Variants in MAP4K3 observed in about 807,000 individuals in gnomAD.
MAP4K3 encodes the protein MAPK/ERK kinase kinase kinase 3.
A neutral mutation model predicts 143.5 loss-of-function variants in MAP4K3; 94 were observed. The ratio of observed to expected loss-of-function variants is 0.65; its 90% CI spans 0.55 to 0.78. The LOEUF (loss-of-function observed/expected upper bound fraction) is 0.78, where lower values mean the gene tolerates loss of function less well. MAP4K3 is among the 30% of genes least tolerant of loss of function. MAP4K3 has a pLI of 0.00. For missense variants in MAP4K3, 1,077 were observed against 1,068.1 expected (o/e 1.01, Z -0.12); for synonymous variants, 416 against 347.2 (o/e 1.20, Z -2.20).
At chr2:39,340,936 G>C (rs559580049) in intron 4 of MAP4K3, among the ~76,000 whole-genome samples, 4 of 151,628 alleles carry the variant, frequency 2.6e-5, no homozygotes, top group Non-Finnish European at 4.4e-5. Context: ...TTGAGTTGAA[G>C]AGACATGAAG....
chr2:39,365,855 C>G (rs1665908375), intron 2 of MAP4K3, among the ~76,000 whole-genome samples: 1 of 152,228 alleles, frequency 6.6e-6, no homozygotes. Flanking sequence ...CTCAAATCTT[C>G]CCATTTCCAT....
intron 3 of MAP4K3, among the ~76,000 whole-genome samples, chr2:39,350,411 C>A (rs1188577448): frequency 6.6e-6 from 1 of 152,176 alleles, no homozygotes; most frequent in African/African-American, 2.4e-5. Context: ...ACAGAGAACT[C>A]TGTACTATTT....
chr2:39,269,648 A>T (rs1415875512), intron 26 of MAP4K3, among the ~76,000 whole-genome samples: 4 of 151,986 alleles, frequency 2.6e-5, no homozygotes, highest in African/African-American at 9.7e-5. Context: ...CATTATTCAG[A>T]GTGTGCAAGG....
At chr2:39,329,022 T>C (rs567880982) in intron 8 of MAP4K3, among the ~76,000 whole-genome samples, 68 of 152,302 alleles carry the variant, frequency 4.5e-4, no homozygotes, top group African/African-American at 1.5e-3. Flanking sequence ...AGGAAAGATA[T>C]AATACCAGAA....
At chr2:39,349,771 G>A (rs990818155) in intron 3 of MAP4K3, among the ~76,000 whole-genome samples, 3 of 151,724 alleles carry the variant, frequency 2.0e-5, no homozygotes, top group African/African-American at 7.3e-5. Context: ...GGAGATGGAG[G>A]AGAAAGAAAA....
intron 1 of MAP4K3, among the ~76,000 whole-genome samples, chr2:39,391,713 A>G (rs1173107194): frequency 6.6e-6 from 1 of 152,202 alleles, no homozygotes; most frequent in Non-Finnish European, 1.5e-5. Flanking sequence ...AATGTTTAAA[A>G]AAACAGCTTG....
At chr2:39,263,413 C>G (rs2148443600) in intron 28 of MAP4K3, among the ~76,000 whole-genome samples, 1 of 148,800 alleles carries the variant, frequency 6.7e-6, no homozygotes, top group East Asian at 2.0e-4. Flanking sequence ...GCTGGGACTA[C>G]AGGCGCCCAC....
intron 12 of MAP4K3, 53 bp from the exon 13 acceptor site, chr2:39,315,441 T>C: frequency 3.9e-6 from 5 of 1,270,026 alleles, no homozygotes; most frequent in Middle Eastern, 1.9e-4. Context: ...AAGTCATAGT[T>C]TGGTCCACAA....
intron 1 of MAP4K3, among the ~76,000 whole-genome samples, chr2:39,420,742 G>A (rs1424864990): frequency 6.6e-6 from 1 of 152,108 alleles, no homozygotes; most frequent in Non-Finnish European, 1.5e-5. Context: ...TTAAAAGTGA[G>A]GAAGAAGTTA....
intron 19 of MAP4K3, 100 bp from the exon 20 acceptor site, chr2:39,288,380 T>C (rs1374650583): frequency 5.8e-6 from 6 of 1,031,106 alleles, no homozygotes; most frequent in Admixed American, 4.4e-5. Flanking sequence ...ATTTCTACTA[T>C]ACATTAGAGG....
chr2:39,286,788 A>G (rs1476111063), intron 21 of MAP4K3, 64 bp downstream of exon 21: 8 of 966,314 alleles, frequency 8.3e-6, no homozygotes, highest in Non-Finnish European at 1.2e-5. Context: ...TTGTAAGCAT[A>G]AAACTAACTT....
chr2:39,299,054 T>G, intron 16 of MAP4K3, among the ~76,000 whole-genome samples: 1 of 152,110 alleles, frequency 6.6e-6, no homozygotes, highest in Non-Finnish European at 1.5e-5. Context: ...TTAAATTATA[T>G]TCCCTTATAA....
At chr2:39,426,008 G>C (rs1036033687) in intron 1 of MAP4K3, among the ~76,000 whole-genome samples, 52 of 152,226 alleles carry the variant, frequency 3.4e-4, no homozygotes, top group African/African-American at 1.1e-3. Flanking sequence ...TAGTCTCAAA[G>C]TATCTCCCCA....
chr2:39,252,029 T>C (rs1438008071), intron 32 of MAP4K3, 144 bp from the exon 33 acceptor site: 4 of 630,886 alleles, frequency 6.3e-6, no homozygotes, highest in African/African-American at 3.7e-5. Flanking sequence ...AAAGTCAGCA[T>C]GTAGATACAT....
intron 2 of MAP4K3, among the ~76,000 whole-genome samples, chr2:39,371,366 A>G (rs775364021): frequency 6.6e-6 from 1 of 152,128 alleles, no homozygotes; most frequent in Non-Finnish European, 1.5e-5. Flanking sequence ...GGATGTGAAC[A>G]CTGTCTCTTA....
At chr2:39,308,315 CTTAA>C (rs1284468776) in intron 14 of MAP4K3, among the ~76,000 whole-genome samples, 4 of 152,154 alleles carry the variant, frequency 2.6e-5, no homozygotes, top group Non-Finnish European at 5.9e-5. Context: ...ACTACTTTTT[CTTAA>C]TTTTCTCCAC....
At chr2:39,355,045 T>C (rs978012789) in intron 3 of MAP4K3, among the ~76,000 whole-genome samples, 5 of 152,036 alleles carry the variant, frequency 3.3e-5, no homozygotes, top group South Asian at 2.1e-4. Flanking sequence ...CTGGGCAACA[T>C]AGTGAGATCC....
chr2:39,265,316 C>T lies in MAP4K3; in HGVS notation c.2033-10G>A. Reference sequence around the variant, plus strand: ...GTGTAAGGATTTCTTACTGTCAAAGCAAAAATATAAATGAGTTCTCTTATA... The same window carrying T: ...GTGTAAGGATTTCTTACTGTCAAAGTAAAAATATAAATGAGTTCTCTTATA... On this transcript the variant is annotated splice_polypyrimidine_tract_variant and intron_variant, in intron 27 of 33. Transcript: ENST00000263881. The T allele has an allele frequency of 6.6e-7, 1 of 1,510,984 alleles. No homozygotes were observed. The highest frequency in any genetic ancestry group is 9.2e-7 in the Non-Finnish European group (1 of 1,087,978). 93.6% of individuals were successfully genotyped at this position (1,510,984 alleles called of 1,614,324 possible). A position where few individuals can be genotyped will look rare whatever the true frequency, so the allele number is the denominator to read the frequency against.
At chr2:39,425,869 T>C (rs928530205) in intron 1 of MAP4K3, among the ~76,000 whole-genome samples, 1 of 152,128 alleles carries the variant, frequency 6.6e-6, no homozygotes, top group African/African-American at 2.4e-5. Flanking sequence ...TGTCAACCAA[T>C]ACATGTAGAA....
Sources: allele counts gnomAD v4.1 joint callset (sites outside exome capture counted in the v4.1 genomes callset), GRCh38; gene constraint gnomAD v4.1.1; transcripts MANE v1.5; gene names NCBI Gene and HGNC (gene_info 2026-07-23, HGNC 2026-07-21).